Variants in PANK1 observed in about 807,000 individuals in gnomAD.
The protein encoded by PANK1 is pantothenic acid kinase 1.
In PANK1, 18 loss-of-function variants were observed where a neutral mutation model predicts 40.1. The observed-to-expected ratio is 0.45, with a 90% CI of 0.31 to 0.67. The LOEUF is 0.67. Ranked by LOEUF, PANK1 falls within the 30% of genes least tolerant of loss-of-function variation. The pLI is 0.06. For missense variants in PANK1, 457 were observed against 599.6 expected (o/e 0.76, Z 2.48); for synonymous variants, 242 against 237.7 (o/e 1.02, Z -0.17).
intron 1 of PANK1, among the ~76,000 whole-genome samples, chr10:89,624,342 A>T (rs1276287475): frequency 1.3e-5 from 2 of 152,266 alleles, no homozygotes; most frequent in Non-Finnish European, 2.9e-5. Flanking sequence ...AGGTTAAGGA[A>T]AATACAATTT....
At chr10:89,598,727 C>T (rs1477419721) in intron 3 of PANK1, among the ~76,000 whole-genome samples, 1 of 152,208 alleles carries the variant, frequency 6.6e-6, no homozygotes, top group African/African-American at 2.4e-5. Flanking sequence ...TCCCTGTCTA[C>T]TCCACTCCAA....
intron 5 of PANK1, among the ~76,000 whole-genome samples, chr10:89,591,762 A>G (rs1364070495): frequency 6.6e-6 from 1 of 152,234 alleles, no homozygotes. Flanking sequence ...GCTCTACTCC[A>G]CCAATCAACA....
intron 1 of PANK1, among the ~76,000 whole-genome samples, chr10:89,642,109 C>T (rs561744024): frequency 1.3e-5 from 2 of 152,240 alleles, no homozygotes; most frequent in South Asian, 4.1e-4. Context: ...AAAGAGTGGA[C>T]AACATTCTCC....
chr10:89,639,183 C>T, intron 1 of PANK1: 1 of 453,578 alleles, frequency 2.2e-6, no homozygotes, highest in Non-Finnish European at 4.4e-6. Context: ...GATCGAGGGA[C>T]TGCATCTGGT....
chr10:89,589,404 C>A (rs1278340493), intron 5 of PANK1, among the ~76,000 whole-genome samples: 1 of 152,188 alleles, frequency 6.6e-6, no homozygotes, highest in East Asian at 1.9e-4. Context: ...GAACATTCCT[C>A]TCCTATCCGG....
At chr10:89,595,417 C>T (rs1249662386) in intron 3 of PANK1, among the ~76,000 whole-genome samples, 1 of 152,182 alleles carries the variant, frequency 6.6e-6, no homozygotes, top group Non-Finnish European at 1.5e-5. Context: ...TGCCATTGCA[C>T]TCCAGCCTGG....
chr10:89,617,163 TTTGTTACTGCAAAAGATGTTGC>T (rs1450011522), intron 1 of PANK1, among the ~76,000 whole-genome samples: 1 of 152,344 alleles, frequency 6.6e-6, no homozygotes, highest in African/African-American at 2.4e-5. Flanking sequence ...TTGGATGTTG[TTTGTTACTGCAAAAGATGTTGC>T]TTGTTACTGC....
intron 2 of PANK1, 97 bp downstream of exon 2, chr10:89,611,599 A>G: frequency 1.2e-6 from 1 of 850,906 alleles, no homozygotes; most frequent in East Asian, 2.6e-5. Flanking sequence ...GCTTGTCCAG[A>G]GTCCCAAGGC....
intron 1 of PANK1, among the ~76,000 whole-genome samples, chr10:89,644,141 T>C (rs1842042861): frequency 6.6e-6 from 1 of 152,180 alleles, no homozygotes; most frequent in Non-Finnish European, 1.5e-5. Context: ...CGCTGCTGGC[T>C]ACTCTGTGAT....
Position 89,595,830 on chromosome 10 carries a change from AAAAATATATATAT to A in PANK1, c.900-1854_900-1842del, listed in dbSNP as rs1462253387. ...GGACTCCATCTTAAAAAAAAAAAAA[AAAAATATATATAT>A]ATATATATATATATATATATATATA... On this transcript the variant is annotated intron_variant, in intron 3 of 6. Transcript: ENST00000307534. Among the ~76,000 whole-genome samples, 50 of 66,566 alleles carry A rather than the reference AAAAATATATATAT, an allele frequency of 7.5e-4. 1 individual carries two copies. The highest frequency in any genetic ancestry group is 3.5e-3 in the African/African-American group (46 of 13,318). The allele number at this position is 66,566 out of a possible 152,430, so 43.7% of individuals were successfully genotyped here.
chr10:89,639,477 CTATACTTGATA>C (rs1018262027), intron 1 of PANK1, among the ~76,000 whole-genome samples: 14 of 152,188 alleles, frequency 9.2e-5, no homozygotes, highest in African/African-American at 3.4e-4. Flanking sequence ...AGGCATGGTA[CTATACTTGATA>C]TACATTTTCC....
In PANK1 at chr10:89,644,719, G is replaced by A. The variant is rs768927074; in HGVS notation, c.173C>T (p.Pro58Leu). 1.3e-5 allele frequency: 20 copies of A among 1,533,960 alleles called. No homozygotes were observed. In the Admixed American group the frequency reaches 2.3e-4, roughly 18 times the overall value. Residue 58 changes from proline to leucine, a missense_variant, in exon 1 of 7, where the codon CCC (proline) becomes CTC (leucine). By Grantham distance (98) the Pro-to-Leu change is moderately conservative (BLOSUM62 -3). Coordinates refer to ENST00000307534, the MANE Select transcript of PANK1 (RefSeq NM_148977.3). ...RGPVGGSDAA[P>L]QRLPLLPELQ... ...CTCCGGCAGGAGCGGGAGGCGCTGG[G>A]GCGCCGCGTCGCTGCCGCCCACTGG...
chr10:89,637,371 A>C (rs915910764), intron 1 of PANK1, among the ~76,000 whole-genome samples: 1 of 152,214 alleles, frequency 6.6e-6, no homozygotes, highest in African/African-American at 2.4e-5. Context: ...TGCAAACAGC[A>C]TAGAGTGTAC....
chr10:89,611,427 G>C lies in PANK1; in HGVS notation c.645+269C>G, dbSNP rs148127717. On this transcript the variant is annotated intron_variant, in intron 2 of 6. Coordinates refer to ENST00000307534, the MANE Select transcript of PANK1 (RefSeq NM_148977.3). ...CATCTTGTCTTTAGCGTATTACCCA[G>C]CAATAATTGTAATTGAAATGATGAT... 2.4e-4 allele frequency among the ~76,000 whole-genome samples: 37 copies of C among 152,292 alleles called. No homozygotes were observed. The East Asian group carries it at 6.6e-3, about 27-fold the overall frequency.
chr10:89,644,119 A>C (rs1157796536), intron 1 of PANK1, among the ~76,000 whole-genome samples: 1 of 152,118 alleles, frequency 6.6e-6, no homozygotes, highest in Non-Finnish European at 1.5e-5. Context: ...GCGCTCTCCA[A>C]TAGACCCGAG....
chr10:89,592,647 T>C, intron 5 of PANK1: 1 of 493,822 alleles, frequency 2.0e-6, no homozygotes, highest in Non-Finnish European at 4.2e-6. Flanking sequence ...TCCAAACGAA[T>C]CTTGCAATGC....
At chr10:89,593,555 T>A (rs1452120507) in intron 4 of PANK1, among the ~76,000 whole-genome samples, 1 of 152,084 alleles carries the variant, frequency 6.6e-6, no homozygotes, top group Non-Finnish European at 1.5e-5. Context: ...CCTCTAGATA[T>A]CTGGACAAGA....
In PANK1 at chr10:89,645,046, C is replaced by G; in HGVS notation, c.-155G>C. 1 of 1,563,244 alleles carries G rather than the reference C, an allele frequency of 6.4e-7. No homozygotes were observed. The highest frequency in any genetic ancestry group is 8.6e-7 in the Non-Finnish European group (1 of 1,159,232). On this transcript the variant is annotated 5_prime_UTR_variant, in exon 1 of 7. Coordinates refer to ENST00000307534, the MANE Select transcript of PANK1 (RefSeq NM_148977.3). ...GGGATGGCGAACCCGGCGCTCCTCC[C>G]CTCCTCCTGCCGACTCCCCCACCTC... is the stretch of plus-strand genomic sequence containing the variant.
At chr10:89,644,576 C>G (rs768023030) in intron 1 of PANK1, 24 bp downstream of exon 1, 3 of 1,572,804 alleles carry the variant, frequency 1.9e-6, no homozygotes, top group Admixed American at 1.7e-5. Context: ...CTTGCGCCCG[C>G]GCTCCCCTCC....
Sources: gnomAD v4.1 joint callset for allele counts (sites outside exome capture counted in the v4.1 genomes callset) on GRCh38, gnomAD v4.1.1 for gene constraint, MANE v1.5 for transcripts, NCBI Gene and HGNC (gene_info 2026-07-23, HGNC 2026-07-21) for gene names.